The following HOMER2 variants were observed in gnomAD, a reference collection of about 807,000 sequenced individuals.
The protein encoded by HOMER2 is homer scaffold protein 2.
HOMER2 carries 27 observed loss-of-function variants against 47.0 expected under a neutral mutation model. The ratio of observed to expected loss-of-function variants is 0.57; its 90% CI spans 0.42 to 0.79. HOMER2 has a LOEUF of 0.79. HOMER2 is among the 30% of genes least tolerant of loss of function. The pLI, the probability that HOMER2 is intolerant of heterozygous loss-of-function variation, is 0.00. For synonymous variants in HOMER2, 161 were observed against 163.8 expected, an observed-to-expected ratio of 0.98 and a Z score of 0.13; for missense variants, 443 against 435.0, an observed-to-expected ratio of 1.02 and a Z score of -0.16.
chr15:82,982,021 C>T (rs1056032943), intron 1 of HOMER2, among the ~76,000 whole-genome samples: 2 of 152,048 alleles, frequency 1.3e-5, no homozygotes, highest in African/African-American at 4.8e-5. Context: ...ATATATTTTA[C>T]CACAATTTAA....
chr15:82,892,978 T>C, intron 1 of HOMER2, 137 bp from the exon 2 acceptor site: 1 of 639,224 alleles, frequency 1.6e-6, no homozygotes, highest in Non-Finnish European at 2.3e-6. Flanking sequence ...ACAATTAAAA[T>C]AAAAGCAAAG....
intron 5 of HOMER2, 104 bp from the exon 6 acceptor site, chr15:82,854,904 G>A (rs1330108939): frequency 2.9e-6 from 4 of 1,360,492 alleles, no homozygotes; most frequent in South Asian, 1.4e-5. Flanking sequence ...ACCCCTGGGG[G>A]GCCCACGCCC....
At chr15:82,844,259 C>T (rs1284599492), downstream of HOMER2, 3 of 152,066 alleles carry the variant, frequency 2.0e-5, no homozygotes, top group East Asian at 1.9e-4. Context: ...TAGGGAGGCG[C>T]GTACTTTTGA....
At chr15:82,851,843 C>T (rs2051407123) in intron 7 of HOMER2, among the ~76,000 whole-genome samples, 1 of 152,214 alleles carries the variant, frequency 6.6e-6, no homozygotes, top group Non-Finnish European at 1.5e-5. Context: ...ATTAATTTGG[C>T]AGCAAAACTC....
chr15:82,843,811 A>G (rs1367636623), exon 2 of HOMER2: 1 of 152,174 alleles, frequency 6.6e-6, no homozygotes, highest in Admixed American at 6.5e-5. Flanking sequence ...CTGGAAGGCA[A>G]TTTGAGGCAA....
chr15:82,927,171 C>T (rs1340128822), intron 1 of HOMER2, among the ~76,000 whole-genome samples: 4 of 152,168 alleles, frequency 2.6e-5, no homozygotes, highest in African/African-American at 9.7e-5. Flanking sequence ...GCCCATACTC[C>T]CAGTCATCGA....
At chr15:82,938,553 T>A (rs1030205282) in intron 1 of HOMER2, among the ~76,000 whole-genome samples, 11 of 152,048 alleles carry the variant, frequency 7.2e-5, no homozygotes, top group Non-Finnish European at 1.6e-4. Context: ...TCTAAGATAT[T>A]CAATCTCCCC....
At chr15:82,984,322 G>A (rs541987647) in intron 1 of HOMER2, among the ~76,000 whole-genome samples, 10 of 152,210 alleles carry the variant, frequency 6.6e-5, no homozygotes, top group South Asian at 2.1e-4. Flanking sequence ...GTGAGCCACC[G>A]CACCCGGCCT....
chr15:82,962,231 G>A (rs1477084852), intron 1 of HOMER2, among the ~76,000 whole-genome samples: 1 of 151,990 alleles, frequency 6.6e-6, no homozygotes, highest in African/African-American at 2.4e-5. Context: ...TTAGCCGGGT[G>A]CAGTGGCAGG....
At chr15:82,873,635 A>G (rs1017873668) in intron 3 of HOMER2, among the ~76,000 whole-genome samples, 2 of 152,312 alleles carry the variant, frequency 1.3e-5, no homozygotes, top group African/African-American at 4.8e-5. Context: ...CTTTTTGTCC[A>G]TGTTTCCAGG....
At chr15:82,871,275 G>A (rs945956091) in intron 3 of HOMER2, among the ~76,000 whole-genome samples, 19 of 152,184 alleles carry the variant, frequency 1.2e-4, no homozygotes, top group Admixed American at 9.8e-4. Context: ...TTTTCTTTCT[G>A]GGGGGTAGAG....
At chr15:82,874,877 C>A (rs1451766529) in intron 3 of HOMER2, among the ~76,000 whole-genome samples, 1 of 152,208 alleles carries the variant, frequency 6.6e-6, no homozygotes, top group African/African-American at 2.4e-5. Context: ...CCTCCGATAA[C>A]TGTGCCCTCA....
chr15:82,920,842 CA>C (rs1335169899), intron 1 of HOMER2, among the ~76,000 whole-genome samples: 2 of 149,288 alleles, frequency 1.3e-5, no homozygotes, highest in Non-Finnish European at 3.0e-5. Context: ...GGGGGTAAAA[CA>C]ATCTTTTTTT....
chr15:82,892,945 G>C, intron 1 of HOMER2, 104 bp from the exon 2 acceptor site: 1 of 875,464 alleles, frequency 1.1e-6, no homozygotes, highest in Non-Finnish European at 1.6e-6. Flanking sequence ...ATAGCTTATA[G>C]GGAAACATAC....
chr15:82,857,397 TA>T (rs1449073722), intron 5 of HOMER2, among the ~76,000 whole-genome samples: 3 of 148,552 alleles, frequency 2.0e-5, no homozygotes, highest in African/African-American at 7.4e-5. Context: ...CAGCCTGAGC[TA>T]AGACAGCTTC....
exon 2 of HOMER2, chr15:82,840,636 A>G (rs905310495): frequency 4.6e-5 from 7 of 151,920 alleles, no homozygotes; most frequent in Admixed American, 6.6e-5. Context: ...AGTAGCGACT[A>G]TGTTGCCCAG....
chr15:82,907,694 G>A (rs1168751488), intron 1 of HOMER2, among the ~76,000 whole-genome samples: 3 of 152,048 alleles, frequency 2.0e-5, no homozygotes, highest in African/African-American at 7.2e-5. Context: ...TTTTCAAAGT[G>A]ACATGGAACA....
chr15:82,864,161 TCTTA>T lies in HOMER2; in HGVS notation c.387+2_387+5del, dbSNP rs1567020726. 1.3e-6 allele frequency: 2 copies of T among 1,591,254 alleles called. No individual in the cohort carries two copies. On this transcript the variant is annotated splice_donor_variant and splice_donor_5th_base_variant and intron_variant, in intron 4 of 8. Transcript: ENST00000450735. LOFTEE classifies it high-confidence loss of function. ...CTGGGATTTACTTCATAGACTAATG[TCTTA>T]CTTGGGAATGATTACTTGAGGTCTC...
rs1480619842 is a variant in HOMER2 at position 82,859,046 on chromosome 15, C to G, written c.477G>C (p.Lys159Asn). 2 of 1,613,958 alleles carry G rather than the reference C, an allele frequency of 1.2e-6. No individual in the cohort carries two copies. ...AGCCTTACCTCTGCGTCAAGGCAATCTTCAGCTTGTCATTCTCAGACTTCA... is the reference window on the plus strand; with the variant it reads ...AGCCTTACCTCTGCGTCAAGGCAATGTTCAGCTTGTCATTCTCAGACTTCA... ...THLKSENDKLKIALTQSAANV... is the reference protein window; with the variant it reads ...THLKSENDKLNIALTQSAANV... Residue 159 changes from lysine to asparagine, a missense_variant, in exon 5 of 9, where the codon AAG becomes AAC. By Grantham distance (94) the Lys-to-Asn change is moderately conservative. Coordinates refer to ENST00000450735, the MANE Select transcript of HOMER2 (RefSeq NM_004839.4).
Sources: gnomAD v4.1 joint callset for allele counts (sites outside exome capture counted in the v4.1 genomes callset) on GRCh38, gnomAD v4.1.1 for gene constraint, MANE v1.5 for transcripts, NCBI Gene and HGNC (gene_info 2026-07-23, HGNC 2026-07-21) for gene names.